Variants in ROR1 observed in about 807,000 individuals in gnomAD.
The protein encoded by ROR1 is ROR family WNT receptor 1, also known as inactive tyrosine-protein kinase transmembrane receptor ROR1.
In ROR1, 19 loss-of-function variants were observed where a neutral mutation model predicts 78.8. The observed-to-expected ratio is 0.24, with a 90% CI of 0.17 to 0.35. The LOEUF (loss-of-function observed/expected upper bound fraction) is 0.35, where lower values mean the gene tolerates loss of function less well. Ranked by LOEUF, ROR1 falls within the 10% of genes least tolerant of loss-of-function variation. ROR1 has a pLI of 1.00. For synonymous variants in ROR1, 386 were observed against 433.6 expected, an observed-to-expected ratio of 0.89 and a Z score of 1.36; for missense variants, 917 against 1,177.8, an observed-to-expected ratio of 0.78 and a Z score of 3.24.
intron 4 of ROR1, among the ~76,000 whole-genome samples, chr1:64,109,400 A>G (rs1024897572): frequency 2.6e-5 from 4 of 152,110 alleles, no homozygotes; most frequent in African/African-American, 9.7e-5. Context: ...TCTCCAGGGT[A>G]TTTTCTGAGC....
At chr1:64,048,716 A>G (rs956647912) in intron 2 of ROR1, among the ~76,000 whole-genome samples, 6 of 152,244 alleles carry the variant, frequency 3.9e-5, no homozygotes, top group African/African-American at 1.4e-4. Flanking sequence ...CTTAAATAAA[A>G]CTTATTTTGT....
At chr1:64,042,232 G>A (rs564162903) in intron 2 of ROR1, among the ~76,000 whole-genome samples, 44 of 152,124 alleles carry the variant, frequency 2.9e-4, no homozygotes, top group South Asian at 2.5e-3. Context: ...TTCCATCCTC[G>A]AACAATTAAA....
At chr1:63,948,259 C>A (rs924708862) in intron 1 of ROR1, among the ~76,000 whole-genome samples, 3 of 151,464 alleles carry the variant, frequency 2.0e-5, no homozygotes, top group Non-Finnish European at 4.4e-5. Flanking sequence ...ACAATAGATA[C>A]TATAATAGTA....
chr1:64,103,182 C>T (rs906334598), intron 4 of ROR1, among the ~76,000 whole-genome samples: 1 of 152,060 alleles, frequency 6.6e-6, no homozygotes, highest in South Asian at 2.1e-4. Context: ...ACTGACTTGG[C>T]GATGTGGGCT....
At chr1:64,059,948 A>T (rs1646904180) in intron 4 of ROR1, among the ~76,000 whole-genome samples, 1 of 151,852 alleles carries the variant, frequency 6.6e-6, no homozygotes, top group African/African-American at 2.4e-5. Context: ...AGAGAGGAAA[A>T]TGAGAACGGC....
intron 1 of ROR1, among the ~76,000 whole-genome samples, chr1:63,850,679 C>A (rs1451742876): frequency 2.6e-5 from 4 of 152,064 alleles, no homozygotes; most frequent in Non-Finnish European, 2.9e-5. Context: ...ATTGTTCTAG[C>A]TATATTATAG....
chr1:63,919,042 A>G (rs1645632534), intron 1 of ROR1, among the ~76,000 whole-genome samples: 1 of 152,240 alleles, frequency 6.6e-6, no homozygotes, highest in African/African-American at 2.4e-5. Flanking sequence ...AATCTTCCAA[A>G]AGACAGGAAT....
intron 2 of ROR1, among the ~76,000 whole-genome samples, chr1:64,032,607 A>T (rs1299366534): frequency 1.3e-5 from 2 of 152,156 alleles, no homozygotes; most frequent in Admixed American, 6.5e-5. Context: ...CCTGGTCCTC[A>T]CTGCACAGCC....
intron 1 of ROR1, among the ~76,000 whole-genome samples, chr1:63,861,441 A>G (rs1222069418): frequency 6.6e-6 from 1 of 152,290 alleles, no homozygotes; most frequent in East Asian, 1.9e-4. Context: ...TTGCTCTGTC[A>G]TAGCCTGCTT....
chr1:64,032,589 C>T (rs942274515), intron 2 of ROR1, among the ~76,000 whole-genome samples: 2 of 152,150 alleles, frequency 1.3e-5, no homozygotes, highest in African/African-American at 4.8e-5. Flanking sequence ...TGGGACCAGA[C>T]TCCATCCCCT....
At chr1:63,904,256 T>C (rs1287930524) in intron 1 of ROR1, among the ~76,000 whole-genome samples, 1 of 152,166 alleles carries the variant, frequency 6.6e-6, no homozygotes, top group Non-Finnish European at 1.5e-5. Context: ...GTGATTCATT[T>C]TAAACTGACG....
At chr1:64,048,582 G>T (rs1227803152) in intron 2 of ROR1, among the ~76,000 whole-genome samples, 1 of 151,984 alleles carries the variant, frequency 6.6e-6, no homozygotes, top group Non-Finnish European at 1.5e-5. Flanking sequence ...CCCTACCCAT[G>T]AATAACAGAG....
intron 4 of ROR1, among the ~76,000 whole-genome samples, chr1:64,098,022 C>G (rs113716014): frequency 2.1e-5 from 3 of 141,126 alleles, no homozygotes; most frequent in Non-Finnish European, 4.9e-5. Context: ...CTGCCTCACA[C>G]TCCCCTATAT....
At chr1:63,835,650 A>G (rs1645015202) in intron 1 of ROR1, among the ~76,000 whole-genome samples, 1 of 152,260 alleles carries the variant, frequency 6.6e-6, no homozygotes, top group South Asian at 2.1e-4. Flanking sequence ...CACTATGGGT[A>G]GAAACAACAG....
chr1:64,119,667 G>A (rs1222970837), intron 4 of ROR1, among the ~76,000 whole-genome samples: 1 of 150,926 alleles, frequency 6.6e-6, no homozygotes, highest in Non-Finnish European at 1.5e-5. Flanking sequence ...AAAAAGTGAT[G>A]GCTGGGGGCC....
chr1:63,890,710 G>T (rs1007969381), intron 1 of ROR1, among the ~76,000 whole-genome samples: 2 of 152,032 alleles, frequency 1.3e-5, no homozygotes, highest in African/African-American at 2.4e-5. Flanking sequence ...GGAGTTTCAG[G>T]TAGAAGAAAT....
intron 4 of ROR1, among the ~76,000 whole-genome samples, chr1:64,067,796 T>C (rs771950997): frequency 1.6e-4 from 23 of 147,126 alleles, no homozygotes; most frequent in Non-Finnish European, 1.2e-4. Flanking sequence ...CACTGCAAGC[T>C]CCGCCTCCCG....
intron 1 of ROR1, among the ~76,000 whole-genome samples, chr1:64,006,498 C>T (rs531663549): frequency 3.0e-4 from 46 of 152,296 alleles, no homozygotes; most frequent in Non-Finnish European, 5.7e-4. Context: ...ACAATTAGCT[C>T]TTCTGGGGAA....
chr1:64,143,313 G>A (rs901722189), intron 7 of ROR1: 7 of 950,720 alleles, frequency 7.4e-6, no homozygotes, highest in Non-Finnish European at 8.8e-6. Context: ...TTGAGCCCAG[G>A]GGTTCAAGAC....
Sources: gnomAD v4.1 joint callset for allele counts (sites outside exome capture counted in the v4.1 genomes callset) on GRCh38, gnomAD v4.1.1 for gene constraint, MANE v1.5 for transcripts, NCBI Gene and HGNC (gene_info 2026-07-23, HGNC 2026-07-21) for gene names.